CSTF3: variants seen among roughly 807,000 people sequenced by gnomAD.
CSTF3 encodes the protein CF-1 77 kDa subunit.
In CSTF3, 29 loss-of-function variants were observed where a neutral mutation model predicts 105.8. The ratio of observed to expected loss-of-function variants is 0.27; its 90% CI spans 0.20 to 0.37. The LOEUF (loss-of-function observed/expected upper bound fraction) is 0.37. Among genes scored for constraint, CSTF3 ranks in the 10% least tolerant of loss-of-function variants. The pLI is 1.00. For missense variants in CSTF3, 357 were observed against 879.3 expected (o/e 0.41, Z 7.51); for synonymous variants, 252 against 281.9 (o/e 0.89, Z 1.06).
At chr11:33,109,042 G>T (rs1289490672) in intron 3 of CSTF3, among the ~76,000 whole-genome samples, 1 of 152,148 alleles carries the variant, frequency 6.6e-6, no homozygotes, top group East Asian at 1.9e-4. Context: ...AAGAGCAAAA[G>T]ACTTAGACTT....
In CSTF3 at chr11:33,097,127, G is replaced by C. The variant is rs971433551; in HGVS notation, c.1129-149C>G. 7.3e-6 allele frequency: 4 copies of C among 548,548 alleles called. No individual in the cohort carries two copies. The South Asian group carries it at 1.4e-4, about 19-fold the overall frequency. The allele number at this position is 548,548 out of a possible 1,614,324, so 34.0% of individuals were successfully genotyped here. On this transcript the variant is annotated intron_variant, in intron 13 of 20. Transcript: ENST00000323959. ...AAACTAATTTTTTTCTGGTATTAGAGATGCATGCAAATTAATTTATTTTTT... is the reference window on the plus strand; with the variant it reads ...AAACTAATTTTTTTCTGGTATTAGACATGCATGCAAATTAATTTATTTTTT...
In CSTF3 at chr11:33,085,220, A is replaced by G. The variant is rs1855091996; in HGVS notation, c.2021T>C (p.Val674Ala). The change falls in exon 21 of 21, where the codon GTG becomes GCG. Residue 674 changes from valine to alanine, a missense_variant. Coordinates refer to ENST00000323959, the MANE Select transcript of CSTF3 (RefSeq NM_001326.3). ...PELAVEGNGP[V>A]ESNAVLTKAV... ...CTTGGTGAGTACTGCATTACTTTCC[A>G]CGGGGCCGTTGCCTTCTACAGCTAG... The G allele has an allele frequency of 6.2e-7, 1 of 1,607,630 alleles. No individual in the cohort carries two copies. Among genetic ancestry groups the G allele is most frequent in the South Asian group, 1.1e-5 (1 of 90,144 alleles).
intron 3 of CSTF3, among the ~76,000 whole-genome samples, chr11:33,116,276 G>A (rs1163476827): frequency 6.6e-6 from 1 of 152,150 alleles, no homozygotes; most frequent in Non-Finnish European, 1.5e-5. Context: ...GTGGAAGTGG[G>A]GATGTGGACC....
At position 33,099,791 on chromosome 11, in the gene CSTF3, T is replaced by C. The variant is rs1855261738; in HGVS notation, c.827-74A>G. 3 of 929,256 alleles carry C rather than the reference T, an allele frequency of 3.2e-6. No homozygotes were observed. Among genetic ancestry groups the C allele is most frequent in the Non-Finnish European group, 3.1e-6 (2 of 640,424 alleles). 57.6% of individuals were successfully genotyped at this position (929,256 alleles called of 1,614,324 possible). A position where few individuals can be genotyped will look rare whatever the true frequency, so the allele number is the denominator to read the frequency against. Reference sequence around the variant, plus strand: ...TGTAAAACTATCAATGTAAATATCATAACCAAATTAGGCTCCTCAAAAATT... The same window carrying C: ...TGTAAAACTATCAATGTAAATATCACAACCAAATTAGGCTCCTCAAAAATT... On this transcript the variant is annotated intron_variant, in intron 10 of 20. Transcript: ENST00000323959. This position sits in a 1 kb window ranked among gnomAD's most constrained non-coding sequence, Gnocchi z 4.1.
At chr11:33,131,671 C>G (rs1855600896) in intron 3 of CSTF3, among the ~76,000 whole-genome samples, 3 of 151,000 alleles carry the variant, frequency 2.0e-5, no homozygotes, top group Non-Finnish European at 4.4e-5. Flanking sequence ...ACAGTGAAAC[C>G]CCATCTCTAC....
At chr11:33,124,258 ATTTAG>A (rs1855522296) in intron 3 of CSTF3, among the ~76,000 whole-genome samples, 4 of 152,132 alleles carry the variant, frequency 2.6e-5, no homozygotes, top group Non-Finnish European at 5.9e-5. Flanking sequence ...AATTTAGTTC[ATTTAG>A]TTAATTTCCA....
rs1010075700 is a variant in CSTF3 at position 33,151,483 on chromosome 11, G to A, written c.28-9497C>T. ...TTACCACCGTGAGCCACCATGACTG[G>A]CGTTGTTTTGGCTTTCAGTTAGCGT... On this transcript the variant is annotated intron_variant, in intron 1 of 20. Transcript: ENST00000323959. Among the ~76,000 whole-genome samples, 4 of 152,098 alleles carry A rather than the reference G, an allele frequency of 2.6e-5. No individual in the cohort carries two copies. The East Asian group carries it at 7.7e-4, about 29-fold the overall frequency.
intron 1 of CSTF3, among the ~76,000 whole-genome samples, chr11:33,154,352 A>C (rs7946554): frequency 0.12 from 18,948 of 152,128 alleles, 2,961 homozygotes; most frequent in African/African-American, 0.37. Flanking sequence ...GTGGCAACAA[A>C]CCTGTCATTC....
rs1565018839 is a variant in CSTF3, at chr11:33,146,054, T to C, written c.28-4068A>G. ...GAGTTCGAGACCAGCCCAACCAATA[T>C]GGTGAAACCCCCGTCTCTACTAAAA... On this transcript the variant is annotated intron_variant, in intron 1 of 20. Coordinates refer to ENST00000323959, the MANE Select transcript of CSTF3 (RefSeq NM_001326.3). Among the ~76,000 whole-genome samples the C allele has an allele frequency of 2.0e-5, 3 of 151,492 alleles. No individual in the cohort carries two copies. The East Asian group carries it at 5.9e-4, about 30-fold the overall frequency.
chr11:33,160,710 T>A lies in CSTF3; in HGVS notation c.27+589A>T, dbSNP rs78498060. Among the ~76,000 whole-genome samples, 1,381 of 152,334 alleles carry A rather than the reference T, an allele frequency of 9.1e-3. 18 individuals are homozygous for A. The highest frequency in any genetic ancestry group is 0.031 in the African/African-American group (1,298 of 41,568). ...AGTGGCCAAAACAGACTTCTCATTT[T>A]CAACTTATACCTGCAATGTTTATGT... On this transcript the variant is annotated intron_variant, in intron 1 of 20. Coordinates refer to ENST00000323959, the MANE Select transcript of CSTF3 (RefSeq NM_001326.3).
At chr11:33,133,469 G>A (rs1190749361) in intron 3 of CSTF3, among the ~76,000 whole-genome samples, 2 of 152,136 alleles carry the variant, frequency 1.3e-5, no homozygotes, top group African/African-American at 2.4e-5. Flanking sequence ...ACATTACTAC[G>A]CCTCTGGATG....
At chr11:33,110,563 T>G (rs560190531) in intron 3 of CSTF3, among the ~76,000 whole-genome samples, 11 of 152,218 alleles carry the variant, frequency 7.2e-5, no homozygotes, top group African/African-American at 2.6e-4. Flanking sequence ...CTAGGTGCAG[T>G]TGAGATTATA....
At chr11:33,129,750 T>C (rs1313581067) in intron 3 of CSTF3, among the ~76,000 whole-genome samples, 1 of 152,240 alleles carries the variant, frequency 6.6e-6, no homozygotes, top group Non-Finnish European at 1.5e-5. Context: ...TTGTAAACTT[T>C]TCTTCTTACC....
intron 3 of CSTF3, among the ~76,000 whole-genome samples, chr11:33,128,372 G>C (rs1855566183): frequency 6.6e-6 from 1 of 151,852 alleles, no homozygotes; most frequent in Non-Finnish European, 1.5e-5. Context: ...GAAACCAAAA[G>C]AGAATTTATA....
chr11:33,114,586 T>G (rs916781711), intron 3 of CSTF3, among the ~76,000 whole-genome samples: 1 of 152,150 alleles, frequency 6.6e-6, no homozygotes, highest in Non-Finnish European at 1.5e-5. Context: ...TGCAGTGGCT[T>G]ACACCTGTAA....
chr11:33,093,631 A>AT (rs936011511), intron 15 of CSTF3, among the ~76,000 whole-genome samples: 4 of 151,508 alleles, frequency 2.6e-5, no homozygotes, highest in African/African-American at 9.7e-5. Flanking sequence ...GATAGTTTAC[A>AT]TTTTTTTTTG....
At position 33,096,231 on chromosome 11, in the gene CSTF3, A is replaced by G. The variant is rs989220459; in HGVS notation, c.1375+75T>C. 6.7e-6 allele frequency: 7 copies of G among 1,046,362 alleles called. No individual in the cohort carries two copies. In the Admixed American group the frequency reaches 2.0e-4, roughly 29 times the overall value. 64.8% of individuals were successfully genotyped at this position (1,046,362 alleles called of 1,614,324 possible). On this transcript the variant is annotated intron_variant, in intron 15 of 20. Transcript: ENST00000323959. Reference sequence around the variant, plus strand: ...ATGTCAAAATTATAATACATTCAAGAAGGAAGAAATCTAGCAACATAATTC... The same window carrying G: ...ATGTCAAAATTATAATACATTCAAGGAGGAAGAAATCTAGCAACATAATTC...
chr11:33,106,765 A>G (rs1466204486), intron 5 of CSTF3, among the ~76,000 whole-genome samples: 1 of 152,176 alleles, frequency 6.6e-6, no homozygotes, highest in Non-Finnish European at 1.5e-5. Context: ...AATAAGGCTC[A>G]TGTCTTACTT....
At chr11:33,157,463 T>C (rs1418321168) in intron 1 of CSTF3, among the ~76,000 whole-genome samples, 2 of 152,128 alleles carry the variant, frequency 1.3e-5, no homozygotes, top group African/African-American at 2.4e-5. Context: ...TATATGCAAA[T>C]AGTTTTTTCA....
Sources: gnomAD v4.1 joint callset for allele counts (sites outside exome capture counted in the v4.1 genomes callset) on GRCh38, gnomAD v4.1.1 for gene constraint, Gnocchi (gnomAD v3.1) non-coding constraint, MANE v1.5 for transcripts, NCBI Gene and HGNC (gene_info 2026-07-23, HGNC 2026-07-21) for gene names.